The following CD55 variants were observed in gnomAD, a reference collection of about 807,000 sequenced individuals.
CD55 encodes the protein complement decay-accelerating factor.
In CD55, 41 loss-of-function variants were observed where a neutral mutation model predicts 45.8. The observed-to-expected ratio is 0.90, with a 90% confidence interval of 0.70 to 1.16. CD55 has a LOEUF of 1.16. CD55 is among the 50% of genes most tolerant of loss of function. The pLI is 0.00. For synonymous variants in CD55, 181 were observed against 181.1 expected, an observed-to-expected ratio of 1.00 and a Z score of 0.01; for missense variants, 416 against 469.8, an observed-to-expected ratio of 0.89 and a Z score of 1.06.
chr1:207,333,885 A>C (rs527374256), intron 6 of CD55, among the ~76,000 whole-genome samples: 3 of 152,294 alleles, frequency 2.0e-5, no homozygotes, highest in African/African-American at 7.2e-5. Flanking sequence ...GAGACATTTG[A>C]GACATGTTAA....
chr1:207,340,153 A>G (rs1262682309), intron 9 of CD55, among the ~76,000 whole-genome samples: 1 of 152,116 alleles, frequency 6.6e-6, no homozygotes, highest in Non-Finnish European at 1.5e-5. Flanking sequence ...CTGGTATCTA[A>G]CATTCTTCTC....
At chr1:207,340,108 C>T (rs1042715818) in intron 9 of CD55, among the ~76,000 whole-genome samples, 2 of 152,190 alleles carry the variant, frequency 1.3e-5, no homozygotes, top group Admixed American at 1.3e-4. Flanking sequence ...AAAGTCTCTT[C>T]ATCCTCCCTC....
In CD55 at chr1:207,359,535, T is replaced by TTTG; in HGVS notation, c.1082-10_1082-9insTGT. ...TTTTAACTTTTTTTTTTTTTTTTTT[T>TTTG]TAATTTTCAGGGCACACGTGTTTCA... On this transcript the variant is annotated splice_polypyrimidine_tract_variant and intron_variant, in intron 9 of 9. Coordinates refer to ENST00000367064, the MANE Select transcript of CD55 (RefSeq NM_000574.5). The TTTG allele has an allele frequency of 3.2e-6, 5 of 1,549,510 alleles. No individual in the cohort carries two copies. The highest frequency in any genetic ancestry group is 4.3e-6 in the Non-Finnish European group (5 of 1,158,874).
At chr1:207,348,654 G>C (rs1655744341) in intron 9 of CD55, among the ~76,000 whole-genome samples, 1 of 152,134 alleles carries the variant, frequency 6.6e-6, no homozygotes, top group Non-Finnish European at 1.5e-5. Flanking sequence ...CAACACCTAT[G>C]TCAGAATGGT....
chr1:207,322,700 C>A, intron 2 of CD55, 133 bp downstream of exon 2: 1 of 695,522 alleles, frequency 1.4e-6, no homozygotes, highest in Non-Finnish European at 2.3e-6. Flanking sequence ...CCTGTTGGCA[C>A]GTCACACTCC....
chr1:207,357,640 A>G (rs1656128402), intron 9 of CD55, among the ~76,000 whole-genome samples: 2 of 152,076 alleles, frequency 1.3e-5, no homozygotes, highest in Admixed American at 1.3e-4. Flanking sequence ...CTTGGCTTTC[A>G]TCAGTTTCTT....
At position 207,354,276 on chromosome 1, in the gene CD55, G is replaced by A. The variant is rs546583872; in HGVS notation, c.1082-5270G>A. The stretch of plus-strand genomic sequence containing the variant: ...GGGGCTAGAAGTGAGTTTTTCTATG[G>A]CAATAAACTGACTTACCCTTTCTTG... On this transcript the variant is annotated intron_variant, in intron 9 of 9. Transcript: ENST00000367064. 5.7e-5 allele frequency: 56 copies of A among 979,842 alleles called. No homozygotes were observed. In the South Asian group the frequency reaches 2.0e-3, roughly 36 times the overall value. 60.7% of individuals were successfully genotyped at this position (979,842 alleles called of 1,614,324 possible).
intron 5 of CD55, 96 bp downstream of exon 5, chr1:207,326,933 T>C: frequency 2.4e-6 from 2 of 849,404 alleles, no homozygotes; most frequent in Non-Finnish European, 3.8e-6. Context: ...CAGTGTGTAT[T>C]TGTAGCAAAC....
At chr1:207,355,566 A>G (rs1408543028) in intron 9 of CD55, among the ~76,000 whole-genome samples, 2 of 152,180 alleles carry the variant, frequency 1.3e-5, no homozygotes. Context: ...GAACACTAAA[A>G]AGCATATTCT....
intron 5 of CD55, 109 bp from the exon 6 acceptor site, chr1:207,330,999 A>G: frequency 1.2e-6 from 1 of 857,728 alleles, no homozygotes; most frequent in Non-Finnish European, 1.8e-6. Flanking sequence ...ATTTAGAAAA[A>G]TGATATTTTG....
intron 9 of CD55, among the ~76,000 whole-genome samples, chr1:207,355,111 A>G (rs1656026528): frequency 2.0e-5 from 3 of 152,230 alleles, no homozygotes; most frequent in Non-Finnish European, 4.4e-5. Context: ...CTTCTAAAGT[A>G]AAATACTGTA....
intron 9 of CD55, among the ~76,000 whole-genome samples, chr1:207,343,691 T>C (rs1655520358): frequency 1.3e-5 from 2 of 152,232 alleles, no homozygotes; most frequent in African/African-American, 4.8e-5. Flanking sequence ...CCATTTGGTC[T>C]AATGTGCAAT....
At chr1:207,328,540 T>C (rs184151747) in intron 5 of CD55, among the ~76,000 whole-genome samples, 4 of 152,326 alleles carry the variant, frequency 2.6e-5, no homozygotes, top group Non-Finnish European at 5.9e-5. Flanking sequence ...TCTATAGTTA[T>C]ACAGAAAACA....
chr1:207,332,999 G>C (rs376069382), intron 6 of CD55, among the ~76,000 whole-genome samples: 1 of 152,266 alleles, frequency 6.6e-6, no homozygotes, highest in African/African-American at 2.4e-5. Flanking sequence ...TGGTTATGGA[G>C]GGATAGGGTA....
chr1:207,322,129 T>G lies in CD55; in HGVS notation c.101-253T>G, dbSNP rs946798333. 8 of 647,400 alleles carry G rather than the reference T, an allele frequency of 1.2e-5. No individual in the cohort carries two copies. In the African/African-American group the frequency reaches 1.4e-4, roughly 12 times the overall value. 40.1% of individuals were successfully genotyped at this position (647,400 alleles called of 1,614,324 possible). ...GCTGGGTTTGCGGAGCAGCCAAGCCTGGCAAAATCGAAAGGGAGGGCTCAA... is the reference window on the plus strand; with the variant it reads ...GCTGGGTTTGCGGAGCAGCCAAGCCGGGCAAAATCGAAAGGGAGGGCTCAA... On this transcript the variant is annotated intron_variant, in intron 1 of 9. Coordinates refer to ENST00000367064, the MANE Select transcript of CD55 (RefSeq NM_000574.5).
In CD55 at chr1:207,360,338, G is replaced by C. The variant is rs1656249555; in HGVS notation, c.*728G>C. 1 of 152,092 alleles carries C rather than the reference G, an allele frequency of 6.6e-6. No homozygotes were observed. The highest frequency in any genetic ancestry group is 2.4e-5 in the African/African-American group (1 of 41,422). The allele number at this position is 152,092 out of a possible 1,614,324, so 9.4% of individuals were successfully genotyped here. On this transcript the variant is annotated 3_prime_UTR_variant, in exon 10 of 10. Coordinates refer to ENST00000367064, the MANE Select transcript of CD55 (RefSeq NM_000574.5). ...TTATATATTATTTCTGAATCGAGAT[G>C]TCCATAGTCAAATTTGTAAATCTTA...
In CD55 at chr1:207,327,977, T is replaced by C. The variant is rs187819042; in HGVS notation, c.664+1140T>C. 7.7e-3 allele frequency among the ~76,000 whole-genome samples: 1,177 copies of C among 152,306 alleles called. 7 individuals carry two copies. Among genetic ancestry groups the C allele is most frequent in the South Asian group, 0.012 (57 of 4,824 alleles). On this transcript the variant is annotated intron_variant, in intron 5 of 9. Transcript: ENST00000367064. ...ATTGTAAATGATAGTAAATTAAAGA[T>C]AGAAAACAAGGAAAAGCTGGGCCAT...
chr1:207,325,787 G>A, intron 4 of CD55, 66 bp downstream of exon 4: 1 of 898,752 alleles, frequency 1.1e-6, no homozygotes, highest in Non-Finnish European at 1.8e-6. Flanking sequence ...CTTAAGGTGA[G>A]ATTGTTAGTT....
In CD55 at chr1:207,336,763, A is replaced by G; in HGVS notation, c.924A>G (p.Glu308=). ...KPTTVNVPTT[E]VSPTSQKTTT... is the part of the protein sequence containing the mutation. Reference sequence around the variant, plus strand: ...CCACAGTAAATGTTCCAACTACAGAAGTCTCACCAACTTCTCAGAAAACCA... The same window carrying G: ...CCACAGTAAATGTTCCAACTACAGAGGTCTCACCAACTTCTCAGAAAACCA... Residue 308 remains glutamate, a synonymous_variant, in exon 7 of 10, where the codon GAA becomes GAG. Coordinates refer to ENST00000367064, the MANE Select transcript of CD55 (RefSeq NM_000574.5). 1 of 1,613,996 alleles carries G rather than the reference A, an allele frequency of 6.2e-7. No individual in the cohort carries two copies.
Sources: allele counts gnomAD v4.1 joint callset (sites outside exome capture counted in the v4.1 genomes callset), GRCh38; gene constraint gnomAD v4.1.1; transcripts MANE v1.5; gene names NCBI Gene and HGNC (gene_info 2026-07-23, HGNC 2026-07-21).